Variants in MUL1 observed in about 807,000 individuals in gnomAD.
MUL1 encodes mitochondrial ubiquitin ligase activator of NFKB 1.
In MUL1, 30 loss-of-function variants were observed where a neutral mutation model predicts 34.1. That is an observed-to-expected ratio of 0.88 (90% CI 0.66 to 1.19). The LOEUF (loss-of-function observed/expected upper bound fraction) is 1.19, where lower values mean the gene tolerates loss of function less well. MUL1 is among the 50% of genes most tolerant of loss of function. The probability of loss-of-function intolerance (pLI) is 0.00; values close to 1 mark genes in which losing one functional copy is unlikely to be tolerated. For missense variants in MUL1, 419 were observed against 450.5 expected (o/e 0.93, Z 0.63); for synonymous variants, 191 against 187.8 (o/e 1.02, Z -0.14).
chr1:20,505,807 TCACC>T (rs2051708850), intron 1 of MUL1, among the ~76,000 whole-genome samples: 1 of 152,024 alleles, frequency 6.6e-6, no homozygotes, highest in South Asian at 2.1e-4. Flanking sequence ...GGTTTTAAGG[TCACC>T]CAAAGATGAG....
At chr1:20,503,032 G>A (rs569634838) in intron 2 of MUL1, among the ~76,000 whole-genome samples, 190 bp downstream of exon 2, 2 of 151,994 alleles carry the variant, frequency 1.3e-5, no homozygotes, top group Non-Finnish European at 2.9e-5. Context: ...TCGAGATCAG[G>A]CAACAGTGGT....
At position 20,503,317 on chromosome 1, in the gene MUL1, A is replaced by T; in HGVS notation, c.121-8T>A. On this transcript the variant is annotated splice_region_variant and splice_polypyrimidine_tract_variant and intron_variant, in intron 1 of 3. Coordinates refer to ENST00000264198, the MANE Select transcript of MUL1 (RefSeq NM_024544.3). ...ATGAACTTTTTTAGCTCCCTAAATA[A>T]AAAAAAAAAATTAAATTAATTGGCC... The T allele has an allele frequency of 7.1e-7, 1 of 1,404,716 alleles. No individual in the cohort carries two copies. Among genetic ancestry groups the T allele is most frequent in the Non-Finnish European group, 9.7e-7 (1 of 1,035,060 alleles). The allele number at this position is 1,404,716 out of a possible 1,614,324, so 87.0% of individuals were successfully genotyped here. A position where few individuals can be genotyped will look rare whatever the true frequency, so the allele number is the denominator to read the frequency against.
chr1:20,503,640 C>T (rs1286549928), intron 1 of MUL1, among the ~76,000 whole-genome samples: 2 of 152,198 alleles, frequency 1.3e-5, no homozygotes, highest in African/African-American at 4.8e-5. Context: ...GACTGAACAT[C>T]ATTCAATCTC....
chr1:20,502,695 A>G (rs1020208874), intron 2 of MUL1, among the ~76,000 whole-genome samples: 11 of 152,156 alleles, frequency 7.2e-5, no homozygotes, highest in African/African-American at 2.6e-4. Flanking sequence ...CACCACATCC[A>G]GCTAATTTTT....
chr1:20,508,002 G>A lies in MUL1; in HGVS notation c.23C>T (p.Ser8Leu). 6.3e-7 allele frequency: 1 copy of A among 1,587,002 alleles called. No individual in the cohort carries two copies. Among genetic ancestry groups the A allele is most frequent in the Non-Finnish European group, 8.6e-7 (1 of 1,168,208 alleles). ...GCCCAGGAGGATGAACTGGCACAGC[G>A]AGGGCCGCCCTCCGCTCTCCATGAC... is the stretch of plus-strand genomic sequence containing the variant. The part of the protein sequence containing the change: MESGGRP[S>L]LCQFILLGTT... Residue 8 changes from serine to leucine, a missense_variant, in exon 1 of 4, where the codon TCG becomes TTG. By Grantham distance (145) the Ser-to-Leu change is moderately radical (BLOSUM62 -2). Coordinates refer to ENST00000264198, the MANE Select transcript of MUL1 (RefSeq NM_024544.3).
rs748499724 is a variant in MUL1 at position 20,501,293 on chromosome 1, T to C, written c.456A>G (p.Leu152=). ...GGTGGAACTTCTCATACACAGTCTC[T>C]AGACCCAGATCCACTGAGTCCAGGG... ...LKPLDSVDLG[L]ETVYEKFHPS... is the part of the protein sequence containing the mutation. Residue 152 remains leucine (L), a synonymous_variant, in exon 4 of 4, where the codon CTA becomes CTG. Transcript: ENST00000264198. This position sits in a 1 kb window ranked among gnomAD's most constrained non-coding sequence, Gnocchi z 4.2. 2 of 1,614,172 alleles carry C rather than the reference T, an allele frequency of 1.2e-6. No individual in the cohort carries two copies. Among genetic ancestry groups the C allele is most frequent in the Non-Finnish European group, 1.7e-6 (2 of 1,180,034 alleles).
intron 1 of MUL1, among the ~76,000 whole-genome samples, chr1:20,506,646 T>TG (rs1399469963): frequency 6.6e-6 from 1 of 151,760 alleles, no homozygotes. Context: ...AGTCAGGAGT[T>TG]GGAGACCAGC....
At position 20,501,894 on chromosome 1, in the gene MUL1, T is replaced by C. The variant is rs1295545841; in HGVS notation, c.329+175A>G. ...GAAATCTGCATTTCAACAAGATGCC[T>C]CGGTGATTCCGACATAGGAGGCCCA... On this transcript the variant is annotated intron_variant, in intron 3 of 3. Transcript: ENST00000264198. The surrounding 1 kb of genome is among the most constrained non-coding windows in gnomAD (Gnocchi z 4.2). Among the ~76,000 whole-genome samples the C allele has an allele frequency of 1.3e-5, 2 of 152,172 alleles. No individual in the cohort carries two copies. The highest frequency in any genetic ancestry group is 4.8e-5 in the African/African-American group (2 of 41,444).
Position 20,502,117 on chromosome 1 carries a change from A to G in MUL1, c.281T>C (p.Leu94Pro), listed in dbSNP as rs770672923. ...CACCATCTTGTGCTCCTGAAGTGTC[A>G]GCCGCTGAATTACCCCCTTGCAGTT... ...VENCKGVIQR[L>P]TLQEHKMVWN... The change falls in exon 3 of 4, where the codon CTG becomes CCG. Residue 94 changes from leucine to proline, a missense_variant. Leu to Pro is a moderately conservative substitution (Grantham distance 98, BLOSUM62 -3). Transcript: ENST00000264198. 6.2e-7 allele frequency: 1 copy of G among 1,614,138 alleles called. No individual in the cohort carries two copies. Among genetic ancestry groups the G allele is most frequent in the Non-Finnish European group, 8.5e-7 (1 of 1,180,026 alleles).
Position 20,502,024 on chromosome 1 carries a change from T to C in MUL1, c.329+45A>G, listed in dbSNP as rs201926288. On this transcript the variant is annotated intron_variant, in intron 3 of 3. Coordinates refer to ENST00000264198, the MANE Select transcript of MUL1 (RefSeq NM_024544.3). ...AGCACCCAGGACCCCAGCATTTGAA[T>C]AGACCAACTGCAAGGGTTTTGGCCA... is the stretch of plus-strand genomic sequence containing the variant. 34 of 1,610,702 alleles carry C rather than the reference T, an allele frequency of 2.1e-5. No individual in the cohort carries two copies. The African/African-American group carries it at 2.1e-4, about 10-fold the overall frequency.
rs558350162 is a variant in MUL1 at position 20,501,596 on chromosome 1, G to T, written c.330-177C>A. Among the ~76,000 whole-genome samples the T allele has an allele frequency of 3.1e-4, 47 of 152,236 alleles. No individual in the cohort carries two copies. The highest frequency in any genetic ancestry group is 1.0e-3 in the African/African-American group (43 of 41,540). On this transcript the variant is annotated intron_variant, in intron 3 of 3. Transcript: ENST00000264198. This position sits in a 1 kb window ranked among gnomAD's most constrained non-coding sequence, Gnocchi z 4.2. ...AGGCTCCATTTGTAGGTCCTGGGGC[G>T]ATATCAGTGGGCAACAAATAACCGC...
Position 20,505,699 on chromosome 1 carries a change from G to A in MUL1, c.120+2206C>T, listed in dbSNP as rs369946794. Among the ~76,000 whole-genome samples the A allele has an allele frequency of 5.7e-4, 86 of 151,114 alleles. No individual in the cohort carries two copies. In the South Asian group the frequency reaches 0.016, roughly 29 times the overall value. On this transcript the variant is annotated intron_variant, in intron 1 of 3. Transcript: ENST00000264198. ...AAAGGAAGGAAGGGAGGGAGAAAGA[G>A]AGGAAGGAAATAGAAAATAGAATCT...
At chr1:20,507,729 T>A (rs1215866796) in intron 1 of MUL1, among the ~76,000 whole-genome samples, 176 bp downstream of exon 1, 2 of 152,268 alleles carry the variant, frequency 1.3e-5, no homozygotes, top group Non-Finnish European at 2.9e-5. Flanking sequence ...GCAGCCGTTA[T>A]CCCGAGCCCG....
rs1321279948 is a variant in MUL1, at chr1:20,501,387, G to T, written c.362C>A (p.Thr121Asn). The T allele has an allele frequency of 6.2e-7, 1 of 1,613,640 alleles. No homozygotes were observed. The highest frequency in any genetic ancestry group is 2.2e-5 in the East Asian group (1 of 44,890). ...NDCSKIIHQR[T>N]NTVPFDLVPH... The stretch of plus-strand genomic sequence containing the variant: ...CACCAGGTCAAAGGGCACTGTGTTG[G>T]TCCTCTGATGAATGATCTTTGAGCA... Residue 121 changes from threonine to asparagine, a missense_variant, in exon 4 of 4, where the codon ACC (threonine) becomes AAC (asparagine). Coordinates refer to ENST00000264198, the MANE Select transcript of MUL1 (RefSeq NM_024544.3). The surrounding 1 kb of genome is among the most constrained non-coding windows in gnomAD (Gnocchi z 4.2).
rs2051642567 is a variant in MUL1 at position 20,500,462 on chromosome 1, G to A, written c.*228C>T. On this transcript the variant is annotated 3_prime_UTR_variant, in exon 4 of 4. Coordinates refer to ENST00000264198, the MANE Select transcript of MUL1 (RefSeq NM_024544.3). ...AGGAGACGCCACGGCATCCTCCCAG[G>A]GTGAGGCTCTGATGAGGCTGCACAT... 2.0e-6 allele frequency: 1 copy of A among 502,582 alleles called. No individual in the cohort carries two copies. The allele number at this position is 502,582 out of a possible 1,614,324, so 31.1% of individuals were successfully genotyped here.
Position 20,501,343 on chromosome 1 carries a change from C to T in MUL1, c.406G>A (p.Asp136Asn), listed in dbSNP as rs761693520. The change falls in exon 4 of 4, where the codon GAT becomes AAT. Residue 136 changes from aspartate (D) to asparagine (N), a missense_variant. Coordinates refer to ENST00000264198, the MANE Select transcript of MUL1 (RefSeq NM_024544.3). This position sits in a 1 kb window ranked among gnomAD's most constrained non-coding sequence, Gnocchi z 4.2. ...GGCTTCAGCACTCGCACAGCCACAT[C>T]CACGCCATCCTCGTGGGGCACCAGG... is the stretch of plus-strand genomic sequence containing the variant. Reference protein sequence around the residue: ...FDLVPHEDGVDVAVRVLKPLD... With the variant: ...FDLVPHEDGVNVAVRVLKPLD... 6.2e-7 allele frequency: 1 copy of T among 1,614,188 alleles called. No homozygotes were observed. Among genetic ancestry groups the T allele is most frequent in the Non-Finnish European group, 8.5e-7 (1 of 1,180,044 alleles).
At position 20,508,121 on chromosome 1, in the gene MUL1, G is replaced by A. The variant is rs746547697; in HGVS notation, c.-97C>T. 6 of 1,464,854 alleles carry A rather than the reference G, an allele frequency of 4.1e-6. No individual in the cohort carries two copies. The highest frequency in any genetic ancestry group is 3.9e-5 in the South Asian group (3 of 76,134). The allele number at this position is 1,464,854 out of a possible 1,614,324, so 90.7% of individuals were successfully genotyped here. On this transcript the variant is annotated 5_prime_UTR_variant, in exon 1 of 4. Coordinates refer to ENST00000264198, the MANE Select transcript of MUL1 (RefSeq NM_024544.3). ...TTCCGACCAGGACCGCACCCCCCCG[G>A]CCTAACCTGACCGGAAACTCGAAAT...
Position 20,501,513 on chromosome 1 carries a change from T to C in MUL1, c.330-94A>G. The C allele has an allele frequency of 7.2e-7, 1 of 1,393,102 alleles. No homozygotes were observed. The highest frequency in any genetic ancestry group is 9.7e-7 in the Non-Finnish European group (1 of 1,029,786). The allele number at this position is 1,393,102 out of a possible 1,614,324, so 86.3% of individuals were successfully genotyped here. A position where few individuals can be genotyped will look rare whatever the true frequency, so the allele number is the denominator to read the frequency against. ...ACTAAATGTGGAGGACAGCATATGG[T>C]CTGAAGTAACTGGAAGAAGACAGTA... On this transcript the variant is annotated intron_variant, in intron 3 of 3. Transcript: ENST00000264198. This position sits in a 1 kb window ranked among gnomAD's most constrained non-coding sequence, Gnocchi z 4.2.
intron 1 of MUL1, among the ~76,000 whole-genome samples, chr1:20,504,276 G>A (rs940883661): frequency 3.3e-5 from 5 of 152,150 alleles, no homozygotes; most frequent in Non-Finnish European, 1.5e-5. Context: ...CCAACTCAGA[G>A]CGTCCAACCC....
Sources: allele counts gnomAD v4.1 joint callset (sites outside exome capture counted in the v4.1 genomes callset), GRCh38; gene constraint gnomAD v4.1.1; non-coding constraint Gnocchi (gnomAD v3.1); transcripts MANE v1.5; gene names NCBI Gene and HGNC (gene_info 2026-07-23, HGNC 2026-07-21).